Variants in DOCK10 observed in about 807,000 individuals in gnomAD.
DOCK10 encodes dedicator of cytokinesis protein 10.
DOCK10 carries 145 observed loss-of-function variants against 280.1 expected under a neutral mutation model. The observed-to-expected ratio is 0.52, with a 90% CI of 0.45 to 0.59. DOCK10 has a LOEUF of 0.59. Among genes scored for constraint, DOCK10 ranks in the 20% least tolerant of loss-of-function variants. DOCK10 has a pLI of 0.00. For synonymous variants in DOCK10, 915 were observed against 942.2 expected (o/e 0.97, Z 0.53); for missense variants, 2,368 against 2,651.7 (o/e 0.89, Z 2.35).
intron 50 of DOCK10, 62 bp from the exon 51 acceptor site, chr2:224,778,346 A>G: frequency 6.7e-7 from 1 of 1,484,790 alleles, no homozygotes; most frequent in Non-Finnish European, 9.2e-7. Flanking sequence ...CAAAAGCAAA[A>G]CAAAAAGCCA....
At chr2:224,982,124 G>C (rs1056395532) in intron 1 of DOCK10, 3 of 1,097,080 alleles carry the variant, frequency 2.7e-6, no homozygotes, top group Non-Finnish European at 3.5e-6. Context: ...TTTATCTAAC[G>C]CTAAACACCA....
rs779065552 is a variant in DOCK10, at chr2:224,844,803, T to G, written c.2518A>C (p.Lys840Gln). ...GSDIKWVDGG[K>Q]PLFKVSTFVV... is the part of the protein sequence containing the mutation. The stretch of plus-strand genomic sequence containing the variant: ...AATGTCGACACTTTGAAAAGTGGTT[T>G]GCCACCATCAACCCATTTAATGTCA... Residue 840 changes from lysine (K) to glutamine (Q), a missense_variant, in exon 22 of 56, where the codon AAA (lysine) becomes CAA (glutamine). Physicochemically the swap from Lys to Gln is moderately conservative, Grantham distance 53 (BLOSUM62 1). Around this residue, in one of 2 missense-constraint regions of DOCK10, gnomAD observed 1,209 missense variants for 1,250.9 expected, o/e 0.97. Coordinates refer to ENST00000258390, the MANE Select transcript of DOCK10 (RefSeq NM_014689.3). The G allele has an allele frequency of 6.2e-7, 1 of 1,607,152 alleles. No individual in the cohort carries two copies. The highest frequency in any genetic ancestry group is 1.3e-5 in the African/African-American group (1 of 74,874).
In DOCK10 at chr2:224,852,522, G is replaced by GT. The variant is rs1487277259; in HGVS notation, c.2077-81_2077-80insA. The stretch of plus-strand genomic sequence containing the variant: ...AAAACCCAAGTGCCTAAAATAAGTA[G>GT]CTTCTAATTAATCCAAAAAATGTAA... On this transcript the variant is annotated intron_variant, in intron 17 of 55. Coordinates refer to ENST00000258390, the MANE Select transcript of DOCK10 (RefSeq NM_014689.3). 3 of 1,077,938 alleles carry GT rather than the reference G, an allele frequency of 2.8e-6. No homozygotes were observed. The Admixed American group carries it at 7.0e-5, about 25-fold the overall frequency. The allele number at this position is 1,077,938 out of a possible 1,614,324, so 66.8% of individuals were successfully genotyped here. A position where few individuals can be genotyped will look rare whatever the true frequency, so the allele number is the denominator to read the frequency against.
intron 15 of DOCK10, 139 bp downstream of exon 15, chr2:224,856,721 G>T: frequency 1.5e-6 from 1 of 674,608 alleles, no homozygotes; most frequent in Non-Finnish European, 2.3e-6. Flanking sequence ...TGCTATTTGG[G>T]CATATGTGAA....
chr2:224,858,914 T>C (rs1485176144), intron 14 of DOCK10, among the ~76,000 whole-genome samples: 3 of 152,218 alleles, frequency 2.0e-5, no homozygotes, highest in Non-Finnish European at 2.9e-5. Flanking sequence ...GTGTCCCCGA[T>C]AGATTCATTC....
intron 1 of DOCK10, among the ~76,000 whole-genome samples, chr2:224,955,783 C>T (rs1201096747): frequency 1.3e-5 from 2 of 152,162 alleles, no homozygotes; most frequent in African/African-American, 2.4e-5. Flanking sequence ...TAGTTAAGGT[C>T]CCCAATTAAA....
chr2:224,830,645 T>C (rs1695165525), intron 26 of DOCK10, 33 bp from the exon 27 acceptor site: 2 of 1,332,336 alleles, frequency 1.5e-6, no homozygotes, highest in East Asian at 2.4e-5. Flanking sequence ...GAGACATTTA[T>C]TATCCTATGG....
chr2:224,931,455 G>A (rs1702369782), intron 2 of DOCK10, 94 bp downstream of exon 2: 1 of 1,383,926 alleles, frequency 7.2e-7, no homozygotes, highest in Non-Finnish European at 9.6e-7. Flanking sequence ...GGTGGCCACA[G>A]GGAGGCCTGG....
At chr2:224,879,477 G>A (rs1235208787) in intron 7 of DOCK10, among the ~76,000 whole-genome samples, 2 of 152,170 alleles carry the variant, frequency 1.3e-5, no homozygotes, top group Non-Finnish European at 2.9e-5. Flanking sequence ...GACACTCAGG[G>A]CTGGGCGTAG....
Position 224,856,846 on chromosome 2 carries a change from T to G in DOCK10, c.1808+14A>C. The G allele has an allele frequency of 6.3e-7, 1 of 1,590,584 alleles. No individual in the cohort carries two copies. ...CTGATTTATGTTAATTTCGAGAGTA[T>G]AAAAAAAACATACCTTCTATAATCT... is the stretch of plus-strand genomic sequence containing the variant. On this transcript the variant is annotated intron_variant, in intron 15 of 55. Coordinates refer to ENST00000258390, the MANE Select transcript of DOCK10 (RefSeq NM_014689.3).
At position 224,892,341 on chromosome 2, in the gene DOCK10, G is replaced by C. The variant is rs1238492908; in HGVS notation, c.416+3954C>G. Reference sequence around the variant, plus strand: ...TTGAACCCGAGAGGTGGAGGTTGCGGTGAGCTGAGATTGTGTCACTGCACT... The same window carrying C: ...TTGAACCCGAGAGGTGGAGGTTGCGCTGAGCTGAGATTGTGTCACTGCACT... On this transcript the variant is annotated intron_variant, in intron 4 of 55. Transcript: ENST00000258390. Among the ~76,000 whole-genome samples, 30 of 144,814 alleles carry C rather than the reference G, an allele frequency of 2.1e-4. No homozygotes were observed. In the Admixed American group the frequency reaches 2.1e-3, roughly 10 times the overall value.
chr2:224,979,044 A>T (rs766951929), intron 1 of DOCK10, among the ~76,000 whole-genome samples: 5 of 152,178 alleles, frequency 3.3e-5, no homozygotes, highest in Non-Finnish European at 7.3e-5. Flanking sequence ...TCACAGCCTC[A>T]ACAACTACCA....
chr2:225,012,730 A>G (rs1264589650), intron 1 of DOCK10, among the ~76,000 whole-genome samples: 1 of 152,236 alleles, frequency 6.6e-6, no homozygotes, highest in Non-Finnish European at 1.5e-5. Flanking sequence ...TATAATAGAT[A>G]CAATCCTAAA....
At chr2:224,961,442 C>CT (rs1553623668) in intron 1 of DOCK10, among the ~76,000 whole-genome samples, 3 of 129,766 alleles carry the variant, frequency 2.3e-5, no homozygotes, top group Non-Finnish European at 5.0e-5. Flanking sequence ...TTCTTTCTTT[C>CT]TTTCTTTCTT....
chr2:224,963,770 AAGTT>A (rs750484389), intron 1 of DOCK10, among the ~76,000 whole-genome samples: 5 of 152,206 alleles, frequency 3.3e-5, no homozygotes, highest in Admixed American at 6.5e-5. Flanking sequence ...TGTAACATGA[AAGTT>A]AGTTACTCGA....
intron 52 of DOCK10, 117 bp downstream of exon 52, chr2:224,774,788 C>T: frequency 1.1e-6 from 1 of 890,462 alleles, no homozygotes; most frequent in Non-Finnish European, 1.7e-6. Context: ...CCAGTTAGCA[C>T]ATGTTGGGTA....
At chr2:224,844,721 A>G (rs1696213980) in intron 22 of DOCK10, 32 bp downstream of exon 22, 2 of 1,325,176 alleles carry the variant, frequency 1.5e-6, no homozygotes, top group Non-Finnish European at 1.1e-6. Context: ...TGAGTTAGAG[A>G]AGATGCTAGT....
intron 1 of DOCK10, among the ~76,000 whole-genome samples, chr2:224,987,276 TA>T (rs1705999933): frequency 6.6e-6 from 1 of 152,196 alleles, no homozygotes. Context: ...GATTAATAAC[TA>T]AAAATGAAGT....
intron 1 of DOCK10, among the ~76,000 whole-genome samples, chr2:225,001,547 C>T (rs1224532365): frequency 1.3e-5 from 2 of 152,120 alleles, no homozygotes; most frequent in African/African-American, 4.8e-5. Flanking sequence ...CTCAGCCTCC[C>T]AAAGTGCTGG....
Sources: allele counts gnomAD v4.1 joint callset (sites outside exome capture counted in the v4.1 genomes callset), GRCh38; gene constraint gnomAD v4.1.1; regional missense constraint gnomAD v4.1.1; transcripts MANE v1.5; gene names NCBI Gene and HGNC (gene_info 2026-07-23, HGNC 2026-07-21).